Variants in COL24A1 observed in about 807,000 individuals in gnomAD.
COL24A1 encodes collagen type XXIV alpha 1 chain.
A neutral mutation model predicts 253.9 loss-of-function variants in COL24A1; 224 were observed. The observed-to-expected ratio is 0.88, with a 90% CI of 0.79 to 0.99. The LOEUF (loss-of-function observed/expected upper bound fraction) is 0.99. Among genes scored for constraint, COL24A1 ranks in the 50% least tolerant of loss-of-function variants. The pLI is 0.00. For missense variants in COL24A1, 2,131 were observed against 2,068.5 expected, an observed-to-expected ratio of 1.03 and a Z score of -0.59; for synonymous variants, 685 against 673.7, an observed-to-expected ratio of 1.02 and a Z score of -0.26.
intron 12 of COL24A1, among the ~76,000 whole-genome samples, chr1:86,036,808 T>G (rs1699070829): frequency 6.6e-6 from 1 of 152,204 alleles, no homozygotes; most frequent in African/African-American, 2.4e-5. Flanking sequence ...TGAAAGAATG[T>G]TGAAGAATGA....
At chr1:85,843,628 T>C (rs1355024629) in intron 39 of COL24A1, among the ~76,000 whole-genome samples, 2 of 152,180 alleles carry the variant, frequency 1.3e-5, no homozygotes, top group Non-Finnish European at 2.9e-5. Context: ...ATTGCAGATG[T>C]GCAAGTAGTC....
intron 19 of COL24A1, among the ~76,000 whole-genome samples, chr1:86,015,683 A>T (rs1411373261): frequency 6.6e-6 from 1 of 152,150 alleles, no homozygotes; most frequent in Non-Finnish European, 1.5e-5. Flanking sequence ...AATACTATTC[A>T]TTCCAGGAAA....
intron 1 of COL24A1, 32 bp from the exon 2 acceptor site, chr1:86,146,215 T>C: frequency 1.9e-6 from 3 of 1,562,466 alleles, no homozygotes; most frequent in Non-Finnish European, 2.6e-6. Flanking sequence ...TGGGAAAAAC[T>C]TACTAGTTGG....
intron 7 of COL24A1, among the ~76,000 whole-genome samples, chr1:86,073,038 C>A (rs183951251): frequency 3.2e-4 from 48 of 152,238 alleles, no homozygotes; most frequent in Admixed American, 1.2e-3. Flanking sequence ...TGCAAAAGGG[C>A]AGAAAATTCC....
intron 12 of COL24A1, among the ~76,000 whole-genome samples, chr1:86,037,314 T>G (rs1408149686): frequency 1.3e-5 from 2 of 152,168 alleles, no homozygotes; most frequent in African/African-American, 4.8e-5. Flanking sequence ...AAATAGCATA[T>G]AGCAAAGGTG....
At chr1:85,963,799 C>T (rs1691300581) in intron 23 of COL24A1, among the ~76,000 whole-genome samples, 1 of 152,102 alleles carries the variant, frequency 6.6e-6, no homozygotes, top group African/African-American at 2.4e-5. Flanking sequence ...AATGAGATTC[C>T]GTTTCTTGCC....
rs1385521779 is a variant in COL24A1, at chr1:85,911,399, G to C, written c.2597C>G (p.Thr866Ser). 4 of 1,611,916 alleles carry C rather than the reference G, an allele frequency of 2.5e-6. No individual in the cohort carries two copies. The highest frequency in any genetic ancestry group is 3.4e-6 in the Non-Finnish European group (4 of 1,179,000). ...PVGLPGEVGM[T>S]GSIGEKGERG... ...AATTACCTTTTCGCCAATGCTTCCA[G>C]TCATCCCAACTTCTCCAGGTAAGCC... Residue 866 changes from threonine (T) to serine (S), a missense_variant, in exon 25 of 60, where the codon ACT (threonine) becomes AGT (serine). Transcript: ENST00000370571.
chr1:86,052,974 T>C (rs1559131484), intron 10 of COL24A1, among the ~76,000 whole-genome samples: 2 of 151,968 alleles, frequency 1.3e-5, no homozygotes, highest in Admixed American at 1.3e-4. Flanking sequence ...AAGCAAAAAT[T>C]AAAAGAAAAG....
chr1:85,986,558 T>C (rs1379811364), intron 20 of COL24A1, among the ~76,000 whole-genome samples: 1 of 151,840 alleles, frequency 6.6e-6, no homozygotes, highest in African/African-American at 2.4e-5. Context: ...CATATCTGTG[T>C]TAGAATTCTG....
intron 19 of COL24A1, among the ~76,000 whole-genome samples, chr1:85,988,560 T>C (rs189821966): frequency 1.7e-4 from 26 of 152,188 alleles, no homozygotes; most frequent in Admixed American, 1.6e-3. Context: ...GATTTTGTCA[T>C]AGATTATTTT....
At chr1:85,856,727 T>C (rs956410284) in intron 37 of COL24A1, among the ~76,000 whole-genome samples, 11 of 152,344 alleles carry the variant, frequency 7.2e-5, no homozygotes, top group Admixed American at 1.3e-4. Context: ...TGAAAATTAG[T>C]AAAATGGTTT....
intron 5 of COL24A1, among the ~76,000 whole-genome samples, chr1:86,110,864 C>G (rs1002216177): frequency 6.6e-6 from 1 of 152,150 alleles, no homozygotes; most frequent in African/African-American, 2.4e-5. Context: ...CAAGCCTCCC[C>G]AGTGGGGGCT....
At chr1:85,950,549 A>C (rs985726457) in intron 24 of COL24A1, among the ~76,000 whole-genome samples, 2 of 152,170 alleles carry the variant, frequency 1.3e-5, no homozygotes, top group Admixed American at 1.3e-4. Flanking sequence ...TGAAAACCTG[A>C]AAACAGCCTC....
At chr1:86,096,229 CACA>C (rs1272791604) in intron 5 of COL24A1, among the ~76,000 whole-genome samples, 1 of 152,044 alleles carries the variant, frequency 6.6e-6, no homozygotes, top group Non-Finnish European at 1.5e-5. Context: ...AAGCAGATAA[CACA>C]ACTTTTGAGT....
chr1:85,842,609 C>T (rs1012109500), intron 39 of COL24A1, among the ~76,000 whole-genome samples: 5 of 150,686 alleles, frequency 3.3e-5, no homozygotes, highest in Non-Finnish European at 7.4e-5. Flanking sequence ...TTTTGGTTTA[C>T]TTCTGATATA....
At chr1:86,040,514 C>A (rs532398974) in intron 12 of COL24A1, among the ~76,000 whole-genome samples, 2 of 138,596 alleles carry the variant, frequency 1.4e-5, no homozygotes, top group Middle Eastern at 8.9e-3. Context: ...TGTTATCCAC[C>A]CTGAAGATAA....
intron 20 of COL24A1, among the ~76,000 whole-genome samples, chr1:85,971,855 G>C (rs1313064848): frequency 6.6e-6 from 1 of 152,102 alleles, no homozygotes; most frequent in Non-Finnish European, 1.5e-5. Context: ...CTCATTAGTT[G>C]AAGAATATTC....
chr1:86,066,323 C>T lies in COL24A1; in HGVS notation c.1708-2564G>A, dbSNP rs1242770000. Among the ~76,000 whole-genome samples, 9 of 149,336 alleles carry T rather than the reference C, an allele frequency of 6.0e-5. No individual in the cohort carries two copies. The Admixed American group carries it at 6.1e-4, about 10-fold the overall frequency. Reference sequence around the variant, plus strand: ...GCACGATCTCGGCTCACTGCAAGCTCCGCCTCCCGGGTTCGCGCCATTCTC... The same window carrying T: ...GCACGATCTCGGCTCACTGCAAGCTTCGCCTCCCGGGTTCGCGCCATTCTC... On this transcript the variant is annotated intron_variant, in intron 7 of 59. Transcript: ENST00000370571.
At chr1:85,827,715 G>A (rs1352330940) in intron 43 of COL24A1, among the ~76,000 whole-genome samples, 1 of 151,708 alleles carries the variant, frequency 6.6e-6, no homozygotes, top group East Asian at 1.9e-4. Flanking sequence ...TTTGCGTAGA[G>A]GTGTTTGTAG....
Sources: gnomAD v4.1 joint callset for allele counts (sites outside exome capture counted in the v4.1 genomes callset) on GRCh38, gnomAD v4.1.1 for gene constraint, MANE v1.5 for transcripts, NCBI Gene and HGNC (gene_info 2026-07-23, HGNC 2026-07-21) for gene names.